The following ADCYAP1R1 variants were observed in gnomAD, a reference collection of about 807,000 sequenced individuals.
ADCYAP1R1 encodes pituitary adenylate cyclase-activating polypeptide type I receptor.
Under a neutral mutation model 67.6 loss-of-function variants are expected in ADCYAP1R1, and 44 were observed. The ratio of observed to expected loss-of-function variants is 0.65; its 90% confidence interval spans 0.51 to 0.84. The LOEUF (loss-of-function observed/expected upper bound fraction) is 0.84, where lower values mean the gene tolerates loss of function less well. Among genes scored for constraint, ADCYAP1R1 ranks in the 40% least tolerant of loss-of-function variants. The pLI is 0.00. For missense variants in ADCYAP1R1, 477 were observed against 587.9 expected (o/e 0.81, Z 1.95); for synonymous variants, 222 against 219.6 (o/e 1.01, Z -0.10).
chr7:31,101,892 G>T (rs1796452886), intron 13 of ADCYAP1R1, among the ~76,000 whole-genome samples: 1 of 152,220 alleles, frequency 6.6e-6, no homozygotes, highest in Admixed American at 6.5e-5. Context: ...GGTGGCCCTT[G>T]TCTGTGAGCA....
rs548056228 is a variant in ADCYAP1R1, at chr7:31,069,342, G to A, written c.157+4406G>A. 9.2e-5 allele frequency among the ~76,000 whole-genome samples: 14 copies of A among 152,278 alleles called. No homozygotes were observed. In the Middle Eastern group the frequency reaches 0.01, roughly 111 times the overall value. On this transcript the variant is annotated intron_variant, in intron 3 of 15. Coordinates refer to ENST00000304166, the MANE Select transcript of ADCYAP1R1 (RefSeq NM_001118.5). ...TCTCTTTCCTGCACCTTCCCTGCCC[G>A]GGTGGTCCCCAAGCACACACGCCAT...
intron 1 of ADCYAP1R1, among the ~76,000 whole-genome samples, chr7:31,062,002 C>T (rs1055251584): frequency 3.3e-5 from 5 of 152,180 alleles, no homozygotes; most frequent in African/African-American, 1.2e-4. Context: ...ATAACCATAA[C>T]CATCGTACAG....
chr7:31,080,528 A>G, intron 4 of ADCYAP1R1, 85 bp from the exon 5 acceptor site: 2 of 1,406,442 alleles, frequency 1.4e-6, no homozygotes, highest in South Asian at 2.4e-5. Context: ...AGTGATCAGC[A>G]AGACCCAAGG....
chr7:31,077,597 G>C (rs1795317721), intron 3 of ADCYAP1R1, among the ~76,000 whole-genome samples: 1 of 149,000 alleles, frequency 6.7e-6, no homozygotes. Flanking sequence ...TGTGTGATGT[G>C]TGTGTTGTGT....
At chr7:31,076,654 C>G (rs1482468842) in intron 3 of ADCYAP1R1, among the ~76,000 whole-genome samples, 1 of 152,196 alleles carries the variant, frequency 6.6e-6, no homozygotes, top group African/African-American at 2.4e-5. Context: ...TTTCACAATT[C>G]TTGCTTGGCG....
intron 3 of ADCYAP1R1, among the ~76,000 whole-genome samples, chr7:31,072,725 C>A (rs1000026979): frequency 1.3e-5 from 2 of 152,196 alleles, no homozygotes; most frequent in South Asian, 4.1e-4. Context: ...GAGAGGCCCA[C>A]GTCATCCTAA....
chr7:31,081,594 G>T, intron 5 of ADCYAP1R1, 119 bp from the exon 6 acceptor site: 1 of 725,106 alleles, frequency 1.4e-6, no homozygotes. Context: ...CTCTTGGCCA[G>T]GACTCCATCC....
chr7:31,071,998 TCC>T (rs1795008784), intron 3 of ADCYAP1R1, among the ~76,000 whole-genome samples: 3 of 123,154 alleles, frequency 2.4e-5, no homozygotes, highest in Non-Finnish European at 3.3e-5. Context: ...CATCCATCCA[TCC>T]AGCCACCCAC....
Position 31,106,806 on chromosome 7 carries a change from C to T in ADCYAP1R1, c.*122C>T. 1 of 1,216,752 alleles carries T rather than the reference C, an allele frequency of 8.2e-7. No homozygotes were observed. The highest frequency in any genetic ancestry group is 1.1e-6 in the Non-Finnish European group (1 of 899,908). The allele number at this position is 1,216,752 out of a possible 1,614,324, so 75.4% of individuals were successfully genotyped here. A position where few individuals can be genotyped will look rare whatever the true frequency, so the allele number is the denominator to read the frequency against. On this transcript the variant is annotated 3_prime_UTR_variant, in exon 16 of 16. Coordinates refer to ENST00000304166, the MANE Select transcript of ADCYAP1R1 (RefSeq NM_001118.5). ...CAGGCCCTGGGCTGGAAGCTTGGCT[C>T]CTGAGGGGGGAGAAGGAGGCAGGGC...
chr7:31,104,812 C>G (rs1026466644), intron 14 of ADCYAP1R1, 56 bp from the exon 15 acceptor site: 1 of 1,593,090 alleles, frequency 6.3e-7, no homozygotes, highest in Non-Finnish European at 8.6e-7. Context: ...ATGCCCCACA[C>G]AGCATTTCAG....
chr7:31,057,638 G>T (rs1562624121), intron 1 of ADCYAP1R1, among the ~76,000 whole-genome samples: 3 of 152,092 alleles, frequency 2.0e-5, no homozygotes, highest in East Asian at 3.9e-4. Flanking sequence ...ATCAGCTCTG[G>T]TCTTGAGGAG....
intron 5 of ADCYAP1R1, 56 bp from the exon 6 acceptor site, chr7:31,081,657 C>A: frequency 6.9e-7 from 1 of 1,442,558 alleles, no homozygotes; most frequent in South Asian, 1.3e-5. Context: ...GGAGAGTAAA[C>A]AGTAGCTAAC....
At chr7:31,094,574 C>T (rs992189136) in intron 13 of ADCYAP1R1, among the ~76,000 whole-genome samples, 6 of 152,014 alleles carry the variant, frequency 3.9e-5, no homozygotes, top group African/African-American at 1.5e-4. Flanking sequence ...CCAACCTCTT[C>T]TCTGGGGGGG....
chr7:31,103,297 T>A lies in ADCYAP1R1; in HGVS notation c.1107T>A (p.Phe369Leu). ...TATTCGGAATCCACTACACAGTATTTGCCTTCTCCCCAGAGAATGTCAGCA... is the reference window on the plus strand; with the variant it reads ...TATTCGGAATCCACTACACAGTATTAGCCTTCTCCCCAGAGAATGTCAGCA... ...IPLFGIHYTV[F>L]AFSPENVSKR... The change falls in exon 14 of 16, where the codon TTT (phenylalanine) becomes TTA (leucine). Residue 369 changes from phenylalanine to leucine, a missense_variant. By Grantham distance (22) the Phe-to-Leu change is conservative. Coordinates refer to ENST00000304166, the MANE Select transcript of ADCYAP1R1 (RefSeq NM_001118.5). 1 of 1,614,208 alleles carries A rather than the reference T, an allele frequency of 6.2e-7. No homozygotes were observed. The highest frequency in any genetic ancestry group is 8.5e-7 in the Non-Finnish European group (1 of 1,180,032).
intron 3 of ADCYAP1R1, among the ~76,000 whole-genome samples, chr7:31,072,333 G>A (rs1341180061): frequency 6.6e-6 from 1 of 152,116 alleles, no homozygotes; most frequent in East Asian, 1.9e-4. Context: ...GGCAGGCTGT[G>A]GAAGCTTATG....
intron 3 of ADCYAP1R1, among the ~76,000 whole-genome samples, chr7:31,068,148 C>G (rs1794821742): frequency 6.6e-6 from 1 of 152,122 alleles, no homozygotes; most frequent in Non-Finnish European, 1.5e-5. Context: ...CCGTAACAGC[C>G]AGCACTTCAA....
At chr7:31,058,552 C>CA (rs1562624795) in intron 1 of ADCYAP1R1, among the ~76,000 whole-genome samples, 1 of 152,150 alleles carries the variant, frequency 6.6e-6, no homozygotes, top group African/African-American at 2.4e-5. Flanking sequence ...TATTGTGTGA[C>CA]CTTGGAAAGT....
In ADCYAP1R1 at chr7:31,103,327, G is replaced by T; in HGVS notation, c.1137G>T (p.Arg379Ser). The change falls in exon 14 of 16, where the codon AGG (arginine) becomes AGT (serine). Residue 379 changes from arginine to serine, a missense_variant. Coordinates refer to ENST00000304166, the MANE Select transcript of ADCYAP1R1 (RefSeq NM_001118.5). ...FAFSPENVSK[R>S]ERLVFELGLG... is the part of the protein sequence containing the mutation. ...TCTCCCCAGAGAATGTCAGCAAAAG[G>T]GAAAGACTCGTGTTTGAGCTGGGGC... is the stretch of plus-strand genomic sequence containing the variant. 3.1e-6 allele frequency: 5 copies of T among 1,614,202 alleles called. No individual in the cohort carries two copies. The highest frequency in any genetic ancestry group is 4.2e-6 in the Non-Finnish European group (5 of 1,180,020).
chr7:31,093,986 TG>T (rs1796078003), intron 13 of ADCYAP1R1, among the ~76,000 whole-genome samples: 1 of 152,046 alleles, frequency 6.6e-6, no homozygotes, highest in Non-Finnish European at 1.5e-5. Flanking sequence ...AGCTTGTTCT[TG>T]GTCTGTCAAT....
Sources: gnomAD v4.1 joint callset for allele counts (sites outside exome capture counted in the v4.1 genomes callset) on GRCh38, gnomAD v4.1.1 for gene constraint, MANE v1.5 for transcripts, NCBI Gene and HGNC (gene_info 2026-07-23, HGNC 2026-07-21) for gene names.